ABCG8: variants seen among roughly 807,000 people sequenced by gnomAD.
The protein encoded by ABCG8 is ATP-binding cassette sub-family G member 8.
ABCG8 carries 81 observed loss-of-function variants against 71.3 expected under a neutral mutation model. The ratio of observed to expected loss-of-function variants is 1.14; its 90% confidence interval spans 0.95 to 1.37. ABCG8 has a LOEUF of 1.37. ABCG8 is among the 40% of genes most tolerant of loss of function. ABCG8 has a pLI of 0.00. For missense variants in ABCG8, 1,119 were observed against 866.2 expected (o/e 1.29, Z -3.66); for synonymous variants, 451 against 354.7 (o/e 1.27, Z -3.05).
intron 9 of ABCG8, 115 bp from the exon 10 acceptor site, chr2:43,874,291 TA>T: frequency 2.1e-6 from 2 of 969,088 alleles, no homozygotes; most frequent in Non-Finnish European, 1.6e-6. Context: ...AAAAAAAAAT[TA>T]GAGACTTGGG....
In ABCG8 at chr2:43,882,126, C is replaced by G. The variant is rs1306089463; in HGVS notation, c.*4213C>G. ...TTTTAATTAAACAGAAAATAATCAC[C>G]AATATTGGCTCAAATATTTCCTGAT... is the stretch of plus-strand genomic sequence containing the variant. On this transcript the variant is annotated 3_prime_UTR_variant, in exon 13 of 13. Coordinates refer to ENST00000272286, the MANE Select transcript of ABCG8 (RefSeq NM_022437.3). 6.6e-6 allele frequency: 1 copy of G among 152,044 alleles called. No homozygotes were observed. Among genetic ancestry groups the G allele is most frequent in the Non-Finnish European group, 1.5e-5 (1 of 68,028 alleles). 9.4% of individuals were successfully genotyped at this position (152,044 alleles called of 1,614,324 possible).
At chr2:43,857,534 T>C (rs1241375674) in intron 6 of ABCG8, among the ~76,000 whole-genome samples, 6 of 151,586 alleles carry the variant, frequency 4.0e-5, no homozygotes, top group Non-Finnish European at 1.5e-5. Context: ...TGGAAAGAAT[T>C]CTCAACATCT....
chr2:43,851,590 G>A lies in ABCG8; in HGVS notation c.329G>A (p.Gly110Glu). 6.2e-7 allele frequency: 1 copy of A among 1,614,226 alleles called. No individual in the cohort carries two copies. The highest frequency in any genetic ancestry group is 8.5e-7 in the Non-Finnish European group (1 of 1,180,034). Residue 110 changes from glycine to glutamate, a missense_variant, in exon 4 of 13, where the codon GGG becomes GAG. Physicochemically the swap from Gly to Glu is moderately conservative, Grantham distance 98. Coordinates refer to ENST00000272286, the MANE Select transcript of ABCG8 (RefSeq NM_022437.3). ...ATCCCTGGTGGCTTTGCAGGTTGTGGGAGAGCCTCCTTGCTAGATGTGATC... is the reference window on the plus strand; with the variant it reads ...ATCCCTGGTGGCTTTGCAGGTTGTGAGAGAGCCTCCTTGCTAGATGTGATC... Reference protein sequence around the residue: ...MLAIIGSSGCGRASLLDVITG... With the variant: ...MLAIIGSSGCERASLLDVITG...
intron 1 of ABCG8, among the ~76,000 whole-genome samples, chr2:43,843,228 A>T (rs1476690177): frequency 6.6e-6 from 1 of 152,134 alleles, no homozygotes; most frequent in African/African-American, 2.4e-5. Flanking sequence ...CCCAAATTCC[A>T]AGCCTGAAGG....
intron 6 of ABCG8, among the ~76,000 whole-genome samples, chr2:43,868,050 G>C (rs1669596758): frequency 6.6e-6 from 1 of 151,552 alleles, no homozygotes; most frequent in African/African-American, 2.4e-5. Flanking sequence ...TCTCTGGATA[G>C]AGCTCTCACT....
intron 3 of ABCG8, among the ~76,000 whole-genome samples, chr2:43,848,945 C>G (rs1428755908): frequency 6.6e-6 from 1 of 150,398 alleles, no homozygotes; most frequent in Non-Finnish European, 1.5e-5. Context: ...TCGCTTGAAC[C>G]CTGGAGGTGG....
chr2:43,848,743 C>A (rs186201359), intron 3 of ABCG8, among the ~76,000 whole-genome samples: 1 of 152,030 alleles, frequency 6.6e-6, no homozygotes, highest in Non-Finnish European at 1.5e-5. Context: ...AGGCTGGGCA[C>A]GGTGGCTCAT....
intron 6 of ABCG8, among the ~76,000 whole-genome samples, chr2:43,854,186 T>G (rs1385365115): frequency 6.6e-6 from 1 of 152,212 alleles, no homozygotes; most frequent in South Asian, 2.1e-4. Context: ...GGCAGGAACC[T>G]CTCACCAACC....
At chr2:43,866,232 C>T (rs558977415) in intron 6 of ABCG8, among the ~76,000 whole-genome samples, 1 of 151,548 alleles carries the variant, frequency 6.6e-6, no homozygotes, top group East Asian at 1.9e-4. Context: ...GACCTAAAAC[C>T]ATAAAAGCCC....
intron 1 of ABCG8, among the ~76,000 whole-genome samples, chr2:43,839,380 CTTTTTCT>C (rs1455061471): frequency 1.7e-5 from 2 of 116,160 alleles, no homozygotes; most frequent in African/African-American, 6.1e-5. Flanking sequence ...GACAATTTCA[CTTTTTCT>C]TTTTTCTTTT....
chr2:43,853,868 C>A (rs566616620), intron 6 of ABCG8, among the ~76,000 whole-genome samples: 1 of 152,170 alleles, frequency 6.6e-6, no homozygotes, highest in Non-Finnish European at 1.5e-5. Context: ...CCCAAGTTCT[C>A]CACCATCCTT....
chr2:43,839,403 C>CTCTT (rs1668483129), intron 1 of ABCG8, among the ~76,000 whole-genome samples: 2 of 59,296 alleles, frequency 3.4e-5, no homozygotes, highest in African/African-American at 5.8e-5. Context: ...CTTTTCTTCT[C>CTCTT]TTTTTTTTTT....
chr2:43,841,304 G>C (rs943259823), intron 1 of ABCG8, among the ~76,000 whole-genome samples: 3 of 152,194 alleles, frequency 2.0e-5, no homozygotes, highest in Admixed American at 6.5e-5. Flanking sequence ...TTACAATGTA[G>C]CCCAGCATGA....
At chr2:43,853,347 C>T (rs1249693751) in intron 6 of ABCG8, among the ~76,000 whole-genome samples, 1 of 152,152 alleles carries the variant, frequency 6.6e-6, no homozygotes, top group Non-Finnish European at 1.5e-5. Context: ...TCTGGCAGCC[C>T]CAGGCTTGCC....
At chr2:43,855,630 C>T (rs1669076934) in intron 6 of ABCG8, among the ~76,000 whole-genome samples, 1 of 152,174 alleles carries the variant, frequency 6.6e-6, no homozygotes. Flanking sequence ...AGAAATCTCA[C>T]TATCTGTCTG....
In ABCG8 at chr2:43,873,860, A is replaced by C. The variant is rs147194762; in HGVS notation, c.1285A>C (p.Met429Leu). Reference sequence around the variant, plus strand: ...TGGGGCGGAGGCCTGTCTGATGTCAATGACCATCGGCTTCCTCTATTTTGG... The same window carrying C: ...TGGGGCGGAGGCCTGTCTGATGTCACTGACCATCGGCTTCCTCTATTTTGG... The part of the protein sequence containing the change: ...IHGAEACLMS[M>L]TIGFLYFGHG... Residue 429 changes from methionine (M) to leucine (L), a missense_variant, in exon 9 of 13, where the codon ATG (methionine) becomes CTG (leucine). By Grantham distance (15) the Met-to-Leu change is conservative. Coordinates refer to ENST00000272286, the MANE Select transcript of ABCG8 (RefSeq NM_022437.3). The C allele has an allele frequency of 1.9e-6, 3 of 1,613,924 alleles. No individual in the cohort carries two copies. In the African/African-American group the frequency reaches 4.0e-5, roughly 22 times the overall value.
Position 43,875,403 on chromosome 2 carries a change from C to A in ABCG8, c.1746C>A (p.Ser582Arg). 1 of 1,613,938 alleles carries A rather than the reference C, an allele frequency of 6.2e-7. No individual in the cohort carries two copies. Among genetic ancestry groups the A allele is most frequent in the Non-Finnish European group, 8.5e-7 (1 of 1,179,980 alleles). ...LAGGFMINLS[S>R]LWTVPAWISK... The stretch of plus-strand genomic sequence containing the variant: ...GGGGCTTCATGATAAACTTGAGCAG[C>A]CTGTGGACAGGTAAGGCCTGCCCCC... The change falls in exon 11 of 13, where the codon AGC becomes AGA. Residue 582 changes from serine to arginine, a missense_variant. Coordinates refer to ENST00000272286, the MANE Select transcript of ABCG8 (RefSeq NM_022437.3).
Position 43,875,100 on chromosome 2 carries a change from A to C in ABCG8, c.1489-46A>C, listed in dbSNP as rs371283543. 208 of 1,613,664 alleles carry C rather than the reference A, an allele frequency of 1.3e-4. 1 individual carries two copies. Among genetic ancestry groups the C allele is most frequent in the Non-Finnish European group, 1.6e-4 (186 of 1,179,908 alleles). Reference sequence around the variant, plus strand: ...ACTTTTAAACGTTTATAATAATGGCAGTGAAGGTGCTGGCTTCATATCCTT... The same window carrying C: ...ACTTTTAAACGTTTATAATAATGGCCGTGAAGGTGCTGGCTTCATATCCTT... On this transcript the variant is annotated intron_variant, in intron 10 of 12. Coordinates refer to ENST00000272286, the MANE Select transcript of ABCG8 (RefSeq NM_022437.3).
chr2:43,842,715 T>G (rs1668618237), intron 1 of ABCG8, among the ~76,000 whole-genome samples: 1 of 152,090 alleles, frequency 6.6e-6, no homozygotes, highest in Non-Finnish European at 1.5e-5. Flanking sequence ...GTCCCCTTTC[T>G]CCTTTCATCT....
Sources: allele counts gnomAD v4.1 joint callset (sites outside exome capture counted in the v4.1 genomes callset), GRCh38; gene constraint gnomAD v4.1.1; transcripts MANE v1.5; gene names NCBI Gene and HGNC (gene_info 2026-07-23, HGNC 2026-07-21).